Variants in NRG3 observed in about 807,000 individuals in gnomAD.
NRG3 encodes the protein pro-neuregulin-3, membrane-bound isoform.
A neutral mutation model predicts 66.9 loss-of-function variants in NRG3; 31 were observed. The ratio of observed to expected loss-of-function variants is 0.46; its 90% CI spans 0.35 to 0.63. NRG3 has a LOEUF of 0.63. Ranked by LOEUF, NRG3 falls within the 20% of genes least tolerant of loss-of-function variation. The pLI is 0.00. For missense variants in NRG3, 910 were observed against 878.9 expected, an observed-to-expected ratio of 1.04 and a Z score of -0.45; for synonymous variants, 393 against 359.4, an observed-to-expected ratio of 1.09 and a Z score of -1.06.
intron 2 of NRG3, among the ~76,000 whole-genome samples, chr10:82,719,042 G>C (rs993412283): frequency 3.9e-5 from 6 of 152,088 alleles, no homozygotes; most frequent in Admixed American, 2.0e-4. Context: ...GTAATGAGTA[G>C]GCATGGCTCT....
At chr10:82,895,999 T>C (rs1283157888) in intron 4 of NRG3, among the ~76,000 whole-genome samples, 1 of 152,200 alleles carries the variant, frequency 6.6e-6, no homozygotes, top group East Asian at 1.9e-4. Flanking sequence ...GACATGGAAG[T>C]GCCTCTGTGG....
At chr10:82,502,597 C>G (rs187041302) in intron 2 of NRG3, among the ~76,000 whole-genome samples, 1 of 152,066 alleles carries the variant, frequency 6.6e-6, no homozygotes, top group Non-Finnish European at 1.5e-5. Flanking sequence ...ACACTGGAAC[C>G]GAAGTCAGGA....
intron 1 of NRG3, among the ~76,000 whole-genome samples, chr10:81,878,809 C>G (rs1040936919): frequency 1.3e-4 from 20 of 152,060 alleles, no homozygotes; most frequent in African/African-American, 4.8e-4. Context: ...GATCTTTGCT[C>G]TTGCATTGGA....
intron 3 of NRG3, among the ~76,000 whole-genome samples, chr10:82,757,569 T>C (rs943052693): frequency 2.6e-5 from 4 of 151,952 alleles, no homozygotes; most frequent in African/African-American, 9.7e-5. Context: ...CAAAACAAAA[T>C]AAAACATACA....
chr10:81,935,835 C>T (rs973449092), intron 1 of NRG3, among the ~76,000 whole-genome samples: 2 of 151,374 alleles, frequency 1.3e-5, no homozygotes, highest in African/African-American at 4.9e-5. Flanking sequence ...TCCAGCTTCT[C>T]AATTTACCCA....
chr10:82,216,511 CACAT>C (rs2075688072), intron 1 of NRG3, among the ~76,000 whole-genome samples: 1 of 143,078 alleles, frequency 7.0e-6, no homozygotes, highest in Admixed American at 6.9e-5. Flanking sequence ...CATATACACA[CACAT>C]ATATGCACAT....
At chr10:81,934,542 G>T (rs966708716) in intron 1 of NRG3, among the ~76,000 whole-genome samples, 4 of 152,142 alleles carry the variant, frequency 2.6e-5, no homozygotes, top group Non-Finnish European at 5.9e-5. Flanking sequence ...TACTTTTGAG[G>T]ATGGCAAATC....
chr10:82,873,318 T>G (rs1841511062), intron 4 of NRG3, among the ~76,000 whole-genome samples: 1 of 152,194 alleles, frequency 6.6e-6, no homozygotes, highest in African/African-American at 2.4e-5. Context: ...CAAAAATATA[T>G]ATCTTAAATT....
At chr10:82,811,086 T>C (rs1178791396) in intron 3 of NRG3, among the ~76,000 whole-genome samples, 2 of 152,200 alleles carry the variant, frequency 1.3e-5, no homozygotes, top group Non-Finnish European at 2.9e-5. Flanking sequence ...GGGGCTCCTT[T>C]GAGCCTCCTT....
intron 7 of NRG3, among the ~76,000 whole-genome samples, chr10:82,978,045 C>T (rs1382218388): frequency 3.9e-5 from 6 of 152,060 alleles, no homozygotes; most frequent in Admixed American, 3.9e-4. Flanking sequence ...ATTATTTGAG[C>T]ACTGCAGAAC....
At chr10:82,950,274 G>A (rs187502404) in intron 4 of NRG3, among the ~76,000 whole-genome samples, 1 of 152,264 alleles carries the variant, frequency 6.6e-6, no homozygotes, top group South Asian at 2.1e-4. Flanking sequence ...TAAATAGTGG[G>A]AAATTTCCTC....
In NRG3 at chr10:82,464,274, G is replaced by A. The variant is rs570663158; in HGVS notation, c.953+105406G>A. ...GGCTCAGGAAAATTTTTTCTTAGAA[G>A]CTGACATTCAGCTCCAAGTCATATG... On this transcript the variant is annotated intron_variant, in intron 2 of 8. Transcript: ENST00000372141. Among the ~76,000 whole-genome samples, 116 of 152,188 alleles carry A rather than the reference G, an allele frequency of 7.6e-4. 1 individual carries two copies. The highest frequency in any genetic ancestry group is 1.3e-3 in the Admixed American group (20 of 15,284).
intron 2 of NRG3, among the ~76,000 whole-genome samples, chr10:82,593,990 T>A (rs1211114856): frequency 1.3e-5 from 2 of 152,132 alleles, no homozygotes; most frequent in African/African-American, 4.8e-5. Flanking sequence ...ACTAGATGAC[T>A]TTTATTCTAG....
intron 3 of NRG3, among the ~76,000 whole-genome samples, chr10:82,848,677 C>T (rs923272643): frequency 6.6e-6 from 1 of 152,100 alleles, no homozygotes; most frequent in African/African-American, 2.4e-5. Flanking sequence ...GCTGTCTCCC[C>T]ACCCAAATTT....
chr10:82,030,317 ATAATGT>A (rs2062506148), intron 1 of NRG3, among the ~76,000 whole-genome samples: 1 of 152,148 alleles, frequency 6.6e-6, no homozygotes, highest in African/African-American at 2.4e-5. Context: ...TGAAGTGGTG[ATAATGT>A]TAATAACCAT....
intron 4 of NRG3, among the ~76,000 whole-genome samples, chr10:82,893,612 A>C (rs1321658953): frequency 6.6e-6 from 1 of 152,072 alleles, no homozygotes; most frequent in Non-Finnish European, 1.5e-5. Flanking sequence ...CATTTGAACC[A>C]GGGAGTAGGA....
chr10:82,022,419 A>T (rs1047069653), intron 1 of NRG3, among the ~76,000 whole-genome samples: 1 of 152,046 alleles, frequency 6.6e-6, no homozygotes, highest in Admixed American at 6.6e-5. Context: ...CCCGGTTGTG[A>T]TATCTGTACT....
At chr10:82,054,686 C>T (rs894647202) in intron 1 of NRG3, among the ~76,000 whole-genome samples, 11 of 152,038 alleles carry the variant, frequency 7.2e-5, no homozygotes, top group South Asian at 2.1e-4. Context: ...GGAATGAAAA[C>T]GAGTGACAAG....
At chr10:82,434,327 A>C (rs1181509109) in intron 2 of NRG3, among the ~76,000 whole-genome samples, 1 of 152,098 alleles carries the variant, frequency 6.6e-6, no homozygotes. Flanking sequence ...GAAGTTGCTT[A>C]TCAGTTCAAG....
Sources: gnomAD v4.1 joint callset for allele counts (sites outside exome capture counted in the v4.1 genomes callset) on GRCh38, gnomAD v4.1.1 for gene constraint, MANE v1.5 for transcripts, NCBI Gene and HGNC (gene_info 2026-07-23, HGNC 2026-07-21) for gene names.